Variants in MEGF9 observed in about 807,000 individuals in gnomAD.
MEGF9 encodes the protein multiple EGF like domains 9.
In MEGF9, 6 loss-of-function variants were observed where a neutral mutation model predicts 46.8. The observed-to-expected ratio is 0.13, with a 90% CI of 0.07 to 0.25. The LOEUF (loss-of-function observed/expected upper bound fraction) is 0.25. Among genes scored for constraint, MEGF9 ranks in the 10% least tolerant of loss-of-function variants. The pLI, the probability that MEGF9 is intolerant of heterozygous loss-of-function variation, is 1.00. For synonymous variants in MEGF9, 302 were observed against 330.7 expected (o/e 0.91, Z 0.94); for missense variants, 683 against 792.4 (o/e 0.86, Z 1.66).
At chr9:120,665,085 A>T (rs2043719164) in intron 1 of MEGF9, among the ~76,000 whole-genome samples, 1 of 152,174 alleles carries the variant, frequency 6.6e-6, no homozygotes, top group Admixed American at 6.5e-5. Context: ...TATTTACCCT[A>T]TTGTGCTACA....
At chr9:120,636,815 G>A (rs555492955) in intron 2 of MEGF9, among the ~76,000 whole-genome samples, 2 of 150,578 alleles carry the variant, frequency 1.3e-5, no homozygotes, top group Admixed American at 6.6e-5. Context: ...TCTGGGAGGT[G>A]GGGGGGCGCC....
intron 3 of MEGF9, among the ~76,000 whole-genome samples, chr9:120,613,348 G>A (rs1467941063): frequency 6.6e-6 from 1 of 152,002 alleles, no homozygotes; most frequent in East Asian, 1.9e-4. Flanking sequence ...GCTTGTCTCT[G>A]TGGAGGGAGG....
intron 2 of MEGF9, among the ~76,000 whole-genome samples, chr9:120,656,157 T>C (rs1587986214): frequency 1.3e-5 from 2 of 152,210 alleles, no homozygotes; most frequent in Non-Finnish European, 2.9e-5. Flanking sequence ...AGCTTTAGTA[T>C]ATAAAATTAG....
chr9:120,656,891 T>C (rs966804379), intron 2 of MEGF9, among the ~76,000 whole-genome samples: 1 of 152,120 alleles, frequency 6.6e-6, no homozygotes, highest in African/African-American at 2.4e-5. Context: ...AAGACCAGCC[T>C]GGGTATACGG....
chr9:120,673,883 T>A (rs1209080223), intron 1 of MEGF9, among the ~76,000 whole-genome samples: 1 of 147,220 alleles, frequency 6.8e-6, no homozygotes, highest in East Asian at 2.0e-4. Flanking sequence ...GACGGGAGAA[T>A]CACTTGAACT....
chr9:120,676,579 TTGAG>T (rs1564425847), intron 1 of MEGF9, among the ~76,000 whole-genome samples: 1 of 152,202 alleles, frequency 6.6e-6, no homozygotes, highest in African/African-American at 2.4e-5. Context: ...CTTGATTTTC[TTGAG>T]TAAGATTTCT....
At chr9:120,697,624 A>G (rs991327855) in intron 1 of MEGF9, among the ~76,000 whole-genome samples, 3 of 152,166 alleles carry the variant, frequency 2.0e-5, no homozygotes, top group African/African-American at 7.2e-5. Flanking sequence ...ATAGACAATC[A>G]CATAGTTACT....
At chr9:120,609,230 C>G (rs889663892) in intron 4 of MEGF9, among the ~76,000 whole-genome samples, 1 of 152,192 alleles carries the variant, frequency 6.6e-6, no homozygotes, top group Non-Finnish European at 1.5e-5. Context: ...CTCCCAAATA[C>G]CCAAATACTG....
At chr9:120,635,554 A>G (rs560146128) in intron 2 of MEGF9, among the ~76,000 whole-genome samples, 3 of 150,862 alleles carry the variant, frequency 2.0e-5, no homozygotes, top group Middle Eastern at 3.4e-3. Flanking sequence ...ATTTCGAATG[A>G]CCTATCTTCA....
chr9:120,669,457 T>C (rs956153783), intron 1 of MEGF9, among the ~76,000 whole-genome samples: 2 of 151,934 alleles, frequency 1.3e-5, no homozygotes, highest in African/African-American at 4.8e-5. Flanking sequence ...AAAACAGAAT[T>C]ATACCTAAAG....
intron 1 of MEGF9, among the ~76,000 whole-genome samples, chr9:120,701,948 C>A (rs1459625758): frequency 6.6e-6 from 1 of 151,916 alleles, no homozygotes; most frequent in Non-Finnish European, 1.5e-5. Flanking sequence ...GAGGCTGAGG[C>A]AGGCGAATAG....
chr9:120,702,072 A>T (rs140069187), intron 1 of MEGF9, among the ~76,000 whole-genome samples: 275 of 152,162 alleles, frequency 1.8e-3, no homozygotes, highest in African/African-American at 6.2e-3. Flanking sequence ...TTAATTAATT[A>T]AAAAAATTAC....
intron 1 of MEGF9, among the ~76,000 whole-genome samples, chr9:120,667,495 A>G (rs917439013): frequency 6.6e-6 from 1 of 152,182 alleles, no homozygotes; most frequent in East Asian, 1.9e-4. Context: ...TTTCAGATTG[A>G]TCATTAAAAA....
intron 4 of MEGF9, among the ~76,000 whole-genome samples, chr9:120,611,947 A>T (rs2043449390): frequency 6.6e-6 from 1 of 152,058 alleles, no homozygotes. Context: ...GCTGCTTCGA[A>T]AGTCCTAGTA....
chr9:120,700,342 C>T (rs2132342995), intron 1 of MEGF9, among the ~76,000 whole-genome samples: 1 of 152,286 alleles, frequency 6.6e-6, no homozygotes, highest in South Asian at 2.1e-4. Flanking sequence ...ACCAGTTGAA[C>T]AGGATAGGTT....
intron 1 of MEGF9, among the ~76,000 whole-genome samples, chr9:120,710,587 G>A (rs1227144200): frequency 6.6e-6 from 1 of 152,102 alleles, no homozygotes; most frequent in Non-Finnish European, 1.5e-5. Context: ...GCAGGCAAGA[G>A]CTCTCAGCTA....
At chr9:120,685,870 G>A (rs1201337244) in intron 1 of MEGF9, among the ~76,000 whole-genome samples, 1 of 151,992 alleles carries the variant, frequency 6.6e-6, no homozygotes, top group Non-Finnish European at 1.5e-5. Flanking sequence ...TATATACAAT[G>A]GAATATTATT....
chr9:120,670,374 G>C (rs1164761149), intron 1 of MEGF9, among the ~76,000 whole-genome samples: 1 of 152,162 alleles, frequency 6.6e-6, no homozygotes, highest in Non-Finnish European at 1.5e-5. Flanking sequence ...TGGGATTACA[G>C]GCATGAGCCA....
At chr9:120,617,359 A>C (rs2043477011) in intron 3 of MEGF9, among the ~76,000 whole-genome samples, 1 of 152,236 alleles carries the variant, frequency 6.6e-6, no homozygotes, top group African/African-American at 2.4e-5. Context: ...TCATTTATAT[A>C]TAAACCTATC....
Sources: allele counts gnomAD v4.1 joint callset (sites outside exome capture counted in the v4.1 genomes callset), GRCh38; gene constraint gnomAD v4.1.1; transcripts MANE v1.5; gene names NCBI Gene and HGNC (gene_info 2026-07-23, HGNC 2026-07-21).